Variants in SNAP91 observed in about 807,000 individuals in gnomAD.
The protein encoded by SNAP91 is clathrin coat assembly protein AP180.
A neutral mutation model predicts 100.3 loss-of-function variants in SNAP91; 27 were observed. The observed-to-expected ratio is 0.27, with a 90% CI of 0.20 to 0.37. The LOEUF is 0.37. Ranked by LOEUF, SNAP91 falls within the 10% of genes least tolerant of loss-of-function variation. The pLI is 1.00. For synonymous variants in SNAP91, 404 were observed against 398.6 expected, an observed-to-expected ratio of 1.01 and a Z score of -0.16; for missense variants, 986 against 1,123.7, an observed-to-expected ratio of 0.88 and a Z score of 1.75.
At chr6:83,569,270 G>C (rs1802404452) in intron 26 of SNAP91, among the ~76,000 whole-genome samples, 1 of 151,974 alleles carries the variant, frequency 6.6e-6, no homozygotes, top group South Asian at 2.1e-4. Context: ...AGCTGCTGTG[G>C]ATACTTTATG....
chr6:83,656,345 T>G (rs918461413), intron 7 of SNAP91, among the ~76,000 whole-genome samples: 2 of 152,162 alleles, frequency 1.3e-5, no homozygotes, highest in Non-Finnish European at 2.9e-5. Flanking sequence ...ATGGAGGTTA[T>G]GAATAGGCTA....
At chr6:83,699,205 G>C (rs2099261057) in intron 2 of SNAP91, among the ~76,000 whole-genome samples, 1 of 152,114 alleles carries the variant, frequency 6.6e-6, no homozygotes, top group Non-Finnish European at 1.5e-5. Flanking sequence ...GAGGAATCAT[G>C]ATTGAACATC....
chr6:83,608,308 A>T (rs1387051503), intron 12 of SNAP91, among the ~76,000 whole-genome samples: 9 of 152,192 alleles, frequency 5.9e-5, no homozygotes, highest in Admixed American at 5.9e-4. Context: ...CACAAGCAAG[A>T]TTCAAGTCAC....
intron 29 of SNAP91, among the ~76,000 whole-genome samples, chr6:83,554,587 G>A (rs138116673): frequency 2.0e-5 from 3 of 152,182 alleles, no homozygotes; most frequent in Non-Finnish European, 4.4e-5. Context: ...CAGGACATTC[G>A]GTATAGCATT....
At chr6:83,628,510 G>C (rs2097064468) in intron 8 of SNAP91, among the ~76,000 whole-genome samples, 1 of 150,844 alleles carries the variant, frequency 6.6e-6, no homozygotes, top group Admixed American at 6.6e-5. Flanking sequence ...CCACATCCAT[G>C]CCAACATCTA....
At chr6:83,647,226 A>C (rs1435174419) in intron 7 of SNAP91, among the ~76,000 whole-genome samples, 3 of 152,086 alleles carry the variant, frequency 2.0e-5, no homozygotes, top group Non-Finnish European at 4.4e-5. Context: ...TTCCAGTAGG[A>C]TGGTGAAAAG....
At chr6:83,659,216 T>A in intron 5 of SNAP91, 124 bp from the exon 6 acceptor site, 1 of 709,316 alleles carries the variant, frequency 1.4e-6, no homozygotes, top group Non-Finnish European at 2.3e-6. Flanking sequence ...GGGATCAATT[T>A]GAGGTATTAC....
chr6:83,568,986 T>C (rs1801828539), intron 26 of SNAP91, among the ~76,000 whole-genome samples: 1 of 152,084 alleles, frequency 6.6e-6, no homozygotes, highest in Non-Finnish European at 1.5e-5. Context: ...TGTAAAGGTA[T>C]GTTGGAGAAA....
intron 26 of SNAP91, among the ~76,000 whole-genome samples, chr6:83,570,907 C>A (rs1458063931): frequency 6.6e-6 from 1 of 152,126 alleles, no homozygotes; most frequent in Non-Finnish European, 1.5e-5. Context: ...CACAGAGTCC[C>A]TACTGGGGCA....
intron 26 of SNAP91, among the ~76,000 whole-genome samples, chr6:83,565,901 A>C (rs920507821): frequency 6.6e-6 from 1 of 152,178 alleles, no homozygotes; most frequent in Non-Finnish European, 1.5e-5. Context: ...AACGCTTGGC[A>C]GTTCCTCAAA....
At position 83,576,028 on chromosome 6, in the gene SNAP91, T is replaced by G. The variant is rs1356650094; in HGVS notation, c.2325A>C (p.Thr775=). ...CATAATTTCCAAACACTTACTTTTT[T>G]GTTGTGGTACCAGAAATTCCAAGAT... is the stretch of plus-strand genomic sequence containing the variant. ...VGNLGISGTT[T]KKGDLQWNAG... is the part of the protein sequence containing the mutation. Residue 775 remains threonine, a synonymous_variant, in exon 25 of 30, where the codon ACA becomes ACC. Coordinates refer to ENST00000369694, the MANE Select transcript of SNAP91 (RefSeq NM_001242792.2). 2 of 1,418,468 alleles carry G rather than the reference T, an allele frequency of 1.4e-6. No homozygotes were observed. Among genetic ancestry groups the G allele is most frequent in the Non-Finnish European group, 1.9e-6 (2 of 1,041,788 alleles). 87.9% of individuals were successfully genotyped at this position (1,418,468 alleles called of 1,614,324 possible). A position where few individuals can be genotyped will look rare whatever the true frequency, so the allele number is the denominator to read the frequency against.
At chr6:83,598,344 T>G (rs948826656) in intron 16 of SNAP91, among the ~76,000 whole-genome samples, 1 of 152,218 alleles carries the variant, frequency 6.6e-6, no homozygotes, top group African/African-American at 2.4e-5. Flanking sequence ...GACAAAAATT[T>G]TTTAATGACT....
In SNAP91 at chr6:83,670,470, C is replaced by T. The variant is rs368224370; in HGVS notation, c.131-4889G>A. Among the ~76,000 whole-genome samples, 57 of 151,896 alleles carry T rather than the reference C, an allele frequency of 3.8e-4. 1 individual carries two copies. The South Asian group carries it at 7.5e-3, about 20-fold the overall frequency. The stretch of plus-strand genomic sequence containing the variant: ...TACATGTGACTTGCAAATATTTCCT[C>T]TAAATCTATGGCTTCCCTTTTCATT... On this transcript the variant is annotated intron_variant, in intron 2 of 29. Coordinates refer to ENST00000369694, the MANE Select transcript of SNAP91 (RefSeq NM_001242792.2).
intron 26 of SNAP91, among the ~76,000 whole-genome samples, chr6:83,570,385 G>C (rs1403650901): frequency 1.3e-5 from 2 of 152,160 alleles, no homozygotes; most frequent in Non-Finnish European, 2.9e-5. Context: ...CAATGTGACA[G>C]AAAAGAAAAT....
intron 14 of SNAP91, among the ~76,000 whole-genome samples, chr6:83,604,895 TAA>T (rs2095513910): frequency 6.6e-6 from 1 of 152,168 alleles, no homozygotes. Context: ...AGTGAGTTAC[TAA>T]GTCTTTTATT....
chr6:83,707,549 G>C (rs180934344), intron 2 of SNAP91, among the ~76,000 whole-genome samples: 7 of 151,976 alleles, frequency 4.6e-5, no homozygotes, highest in Non-Finnish European at 7.4e-5. Flanking sequence ...GTGTGTGTGT[G>C]TGTGTGTGTG....
At chr6:83,555,431 CA>C (rs1281511877) in intron 29 of SNAP91, among the ~76,000 whole-genome samples, 1 of 152,076 alleles carries the variant, frequency 6.6e-6, no homozygotes, top group Non-Finnish European at 1.5e-5. Context: ...GAAATGGAGA[CA>C]AAAAATATCT....
chr6:83,601,157 A>G (rs935311470), intron 16 of SNAP91, 114 bp downstream of exon 16: 28 of 821,266 alleles, frequency 3.4e-5, no homozygotes, highest in Non-Finnish European at 5.4e-5. Flanking sequence ...ACATTGAAAA[A>G]GTACTTAAAC....
chr6:83,562,610 T>G (rs1789742561), intron 26 of SNAP91, among the ~76,000 whole-genome samples: 1 of 152,192 alleles, frequency 6.6e-6, no homozygotes, highest in African/African-American at 2.4e-5. Flanking sequence ...ACCTTCCCTA[T>G]GGGATAGCTA....
Sources: allele counts gnomAD v4.1 joint callset (sites outside exome capture counted in the v4.1 genomes callset), GRCh38; gene constraint gnomAD v4.1.1; transcripts MANE v1.5; gene names NCBI Gene and HGNC (gene_info 2026-07-23, HGNC 2026-07-21).